Variants in VWA2 observed in about 807,000 individuals in gnomAD.
The protein encoded by VWA2 is von Willebrand factor A domain containing 2, also known as von Willebrand factor A domain-containing protein 2.
A neutral mutation model predicts 70.4 loss-of-function variants in VWA2; 73 were observed. The ratio of observed to expected loss-of-function variants is 1.04; its 90% CI spans 0.86 to 1.26. The LOEUF is 1.26. Among genes scored for constraint, VWA2 ranks in the 50% most tolerant of loss-of-function variants. The pLI is 0.00. For synonymous variants in VWA2, 407 were observed against 423.3 expected, an observed-to-expected ratio of 0.96 and a Z score of 0.47; for missense variants, 1,011 against 998.5, an observed-to-expected ratio of 1.01 and a Z score of -0.17.
At chr10:114,261,390 G>GC in intron 5 of VWA2, 95 bp downstream of exon 5, 4 of 964,434 alleles carry the variant, frequency 4.1e-6, no homozygotes, top group Non-Finnish European at 6.5e-6. Context: ...GGCTCACAGA[G>GC]AGGACTGTGG....
intron 1 of VWA2, 49 bp from the exon 2 acceptor site, chr10:114,248,655 T>C: frequency 1.3e-6 from 2 of 1,540,068 alleles, no homozygotes; most frequent in South Asian, 1.1e-5. Context: ...CTTGGGGCGT[T>C]CACAGAACTA....
At chr10:114,261,392 G>A (rs572780332) in intron 5 of VWA2, 97 bp downstream of exon 5, 1 of 953,378 alleles carries the variant, frequency 1.0e-6, no homozygotes, top group Non-Finnish European at 1.6e-6. Flanking sequence ...CTCACAGAGA[G>A]GACTGTGGGC....
intron 9 of VWA2, among the ~76,000 whole-genome samples, chr10:114,284,136 A>C (rs1054625595): frequency 8.5e-5 from 13 of 152,244 alleles, no homozygotes; most frequent in African/African-American, 3.1e-4. Flanking sequence ...ATCATAGATC[A>C]GACGCTTCAG....
intron 12 of VWA2, 61 bp from the exon 13 acceptor site, chr10:114,290,179 G>C (rs2039426731): frequency 1.0e-5 from 16 of 1,538,980 alleles, no homozygotes; most frequent in Non-Finnish European, 1.3e-5. Context: ...ACTTAGGGTA[G>C]GGGTCTTCGG....
At position 114,253,696 on chromosome 10, in the gene VWA2, C is replaced by T. The variant is rs2037257099; in HGVS notation, c.98C>T (p.Thr33Ile). Reference sequence around the variant, plus strand: ...CAGGAAGTCCATGTAAGCAAAGAAACCATCGGGAAGATTTCAGCTGCCAGC... The same window carrying T: ...CAGGAAGTCCATGTAAGCAAAGAAATCATCGGGAAGATTTCAGCTGCCAGC... ...PLQEVHVSKE[T>I]IGKISAASKM... The change falls in exon 3 of 14, where the codon ACC becomes ATC. Residue 33 changes from threonine to isoleucine, a missense_variant. Thr to Ile is a moderately conservative substitution (Grantham distance 89, BLOSUM62 -1). Transcript: ENST00000392982. The T allele has an allele frequency of 1.9e-6, 3 of 1,612,412 alleles. No individual in the cohort carries two copies. The highest frequency in any genetic ancestry group is 1.7e-6 in the Non-Finnish European group (2 of 1,179,784).
chr10:114,278,645 TG>T (rs1271050408), intron 7 of VWA2, 73 bp from the exon 8 acceptor site: 2 of 1,589,782 alleles, frequency 1.3e-6, no homozygotes, highest in African/African-American at 2.7e-5. Context: ...GAGCAGCTGC[TG>T]GGGAAGCGTG....
chr10:114,277,789 A>G (rs2037881690), intron 6 of VWA2, 125 bp from the exon 7 acceptor site: 2 of 1,247,654 alleles, frequency 1.6e-6, no homozygotes, highest in Non-Finnish European at 1.1e-6. Flanking sequence ...CTCACCAGCT[A>G]TGGGTCTGAC....
At chr10:114,268,375 C>T (rs143719579) in intron 5 of VWA2, among the ~76,000 whole-genome samples, 3,825 of 152,088 alleles carry the variant, frequency 0.025, 69 homozygotes, top group Non-Finnish European at 0.038. Context: ...ACTCTGGCCT[C>T]AGAGCCCCCT....
In VWA2 at chr10:114,290,359, G is replaced by A. The variant is rs548778680; in HGVS notation, c.2242G>A (p.Glu748Lys). The change falls in exon 13 of 14, where the codon GAG (glutamate) becomes AAG (lysine). Residue 748 changes from glutamate to lysine, a missense_variant. Physicochemically the swap from Glu to Lys is moderately conservative, Grantham distance 56 (BLOSUM62 1). Coordinates refer to ENST00000392982, the MANE Select transcript of VWA2 (RefSeq NM_001272046.2). Reference protein sequence around the residue: ...CRDGWEGPHCENRFLRRP With the variant: ...CRDGWEGPHCKNRFLRRP ...GGATGGCTGGGAGGGCCCCCACTGC[G>A]AGAACCGTGAGTGGAGCTCTTGCTC... The A allele has an allele frequency of 8.4e-6, 13 of 1,550,402 alleles. No homozygotes were observed. The highest frequency in any genetic ancestry group is 1.2e-5 in the South Asian group (1 of 84,042).
intron 8 of VWA2, among the ~76,000 whole-genome samples, 162 bp from the exon 9 acceptor site, chr10:114,282,354 G>A (rs1199141745): frequency 2.0e-5 from 3 of 152,142 alleles, no homozygotes; most frequent in Admixed American, 1.3e-4. Flanking sequence ...TACTCTATGT[G>A]CAGAGAAAAG....
At chr10:114,255,096 A>G in intron 4 of VWA2, 48 bp downstream of exon 4, 3 of 1,600,818 alleles carry the variant, frequency 1.9e-6, no homozygotes, top group Non-Finnish European at 2.6e-6. Flanking sequence ...CTTCTGTGAT[A>G]AGGGACAGAA....
At chr10:114,272,523 A>G (rs2037732684) in intron 5 of VWA2, among the ~76,000 whole-genome samples, 1 of 152,206 alleles carries the variant, frequency 6.6e-6, no homozygotes, top group Non-Finnish European at 1.5e-5. Context: ...ATAGAATACA[A>G]CAGAGATGTA....
chr10:114,260,943 T>G (rs1363828604), intron 4 of VWA2, among the ~76,000 whole-genome samples: 1 of 152,186 alleles, frequency 6.6e-6, no homozygotes, highest in African/African-American at 2.4e-5. Flanking sequence ...TAGCAGTAGG[T>G]AAGTCAAGAA....
At chr10:114,246,234 C>T (rs2037064085) in intron 1 of VWA2, 1 of 910,012 alleles carries the variant, frequency 1.1e-6, no homozygotes, top group Non-Finnish European at 1.8e-6. Flanking sequence ...GGCATGGTGG[C>T]TCACGCCTGT....
intron 1 of VWA2, among the ~76,000 whole-genome samples, chr10:114,243,602 G>T (rs1322331125): frequency 6.8e-6 from 1 of 147,002 alleles, no homozygotes; most frequent in Non-Finnish European, 1.5e-5. Context: ...TAATCTATTT[G>T]GGGTTGGAAT....
chr10:114,244,890 T>C (rs2037038129), intron 1 of VWA2, among the ~76,000 whole-genome samples: 1 of 152,238 alleles, frequency 6.6e-6, no homozygotes, highest in Non-Finnish European at 1.5e-5. Context: ...ATTCTGGTGC[T>C]TTGTTTATCT....
chr10:114,257,270 G>A (rs1040647015), intron 4 of VWA2, among the ~76,000 whole-genome samples: 1 of 152,134 alleles, frequency 6.6e-6, no homozygotes, highest in Non-Finnish European at 1.5e-5. Context: ...GGCAAGAAGC[G>A]CCAGTTCCCC....
At chr10:114,288,655 C>T (rs570427590) in intron 11 of VWA2, among the ~76,000 whole-genome samples, 2 of 152,340 alleles carry the variant, frequency 1.3e-5, no homozygotes, top group South Asian at 4.1e-4. Flanking sequence ...CTTCCAGCTG[C>T]ATGAGTTTGA....
At position 114,282,533 on chromosome 10, in the gene VWA2, T is replaced by C. The variant is rs779209143; in HGVS notation, c.851T>C (p.Leu284Pro). Reference sequence around the variant, plus strand: ...GATTGTAGCTGGAAGAGAGTGTTCCTAACCCACCCTGCCACCTGCTACAGG... The same window carrying C: ...GATTGTAGCTGGAAGAGAGTGTTCCCAACCCACCCTGCCACCTGCTACAGG... ...CPFYSWKRVF[L>P]THPATCYRTT... Residue 284 changes from leucine (L) to proline (P), a missense_variant, in exon 9 of 14, where the codon CTA (leucine) becomes CCA (proline). Coordinates refer to ENST00000392982, the MANE Select transcript of VWA2 (RefSeq NM_001272046.2). 16 of 1,613,990 alleles carry C rather than the reference T, an allele frequency of 9.9e-6. No individual in the cohort carries two copies. The highest frequency in any genetic ancestry group is 1.2e-5 in the Non-Finnish European group (14 of 1,179,970).
Sources: allele counts gnomAD v4.1 joint callset (sites outside exome capture counted in the v4.1 genomes callset), GRCh38; gene constraint gnomAD v4.1.1; transcripts MANE v1.5; gene names NCBI Gene and HGNC (gene_info 2026-07-23, HGNC 2026-07-21).